LGR5: variants seen among roughly 807,000 people sequenced by gnomAD.
The protein encoded by LGR5 is leucine rich repeat containing G protein-coupled receptor 5.
In LGR5, 54 loss-of-function variants were observed where a neutral mutation model predicts 76.7. That is an observed-to-expected ratio of 0.70 (90% CI 0.57 to 0.88). LGR5 has a LOEUF of 0.88. Ranked by LOEUF, LGR5 falls within the 40% of genes least tolerant of loss-of-function variation. LGR5 has a pLI of 0.00. For missense variants in LGR5, 1,078 were observed against 1,073.3 expected (o/e 1.00, Z -0.06); for synonymous variants, 406 against 421.9 (o/e 0.96, Z 0.46).
At chr12:71,451,088 A>G (rs1472909054) in intron 1 of LGR5, among the ~76,000 whole-genome samples, 5 of 152,174 alleles carry the variant, frequency 3.3e-5, no homozygotes, top group Non-Finnish European at 7.3e-5. Context: ...CAGCCCCCAA[A>G]CCAGAATAGG....
intron 17 of LGR5, 93 bp downstream of exon 17, chr12:71,582,632 C>T (rs1879142692): frequency 3.2e-6 from 3 of 927,520 alleles, no homozygotes; most frequent in South Asian, 2.8e-5. Flanking sequence ...AAAGCCGAAT[C>T]TGTGCCAACT....
intron 1 of LGR5, among the ~76,000 whole-genome samples, chr12:71,442,117 A>G (rs865988248): frequency 5.3e-5 from 8 of 152,362 alleles, no homozygotes; most frequent in South Asian, 4.1e-4. Context: ...TACATTCATT[A>G]TAAAATATGT....
intron 4 of LGR5, among the ~76,000 whole-genome samples, chr12:71,545,778 A>G (rs1284733524): frequency 1.3e-5 from 2 of 152,200 alleles, no homozygotes; most frequent in Non-Finnish European, 2.9e-5. Flanking sequence ...GGTGTCATAT[A>G]TGAGATATGT....
At chr12:71,573,894 C>T (rs1452726540) in intron 13 of LGR5, among the ~76,000 whole-genome samples, 5 of 133,832 alleles carry the variant, frequency 3.7e-5, no homozygotes, top group Non-Finnish European at 7.9e-5. Context: ...TTGAAATCTA[C>T]TTGTGGAGTG....
chr12:71,439,600 G>A (rs1267456923), upstream of LGR5, among the ~76,000 whole-genome samples: 1 of 151,828 alleles, frequency 6.6e-6, no homozygotes, highest in East Asian at 2.0e-4. Flanking sequence ...CAGTGGGAGC[G>A]CCGAGAACTC....
intron 1 of LGR5, among the ~76,000 whole-genome samples, chr12:71,482,819 G>T (rs1873668157): frequency 2.6e-5 from 4 of 152,116 alleles, no homozygotes; most frequent in Admixed American, 2.6e-4. Context: ...TATTTTTTAT[G>T]CATAAAGAAG....
chr12:71,568,282 A>G (rs1631134), intron 11 of LGR5, among the ~76,000 whole-genome samples: 134,131 of 152,222 alleles, frequency 0.88, 61,082 homozygotes, highest in East Asian at 1. Context: ...TTCAAATCCA[A>G]GCTCTCTATA....
chr12:71,495,792 C>T (rs1178070068), intron 1 of LGR5, among the ~76,000 whole-genome samples: 2 of 150,816 alleles, frequency 1.3e-5, no homozygotes, highest in African/African-American at 5.0e-5. Flanking sequence ...CCTTTGAAAC[C>T]CCAGGAGAAG....
intron 2 of LGR5, among the ~76,000 whole-genome samples, chr12:71,522,108 A>AT (rs1875754605): frequency 6.6e-6 from 1 of 152,222 alleles, no homozygotes; most frequent in South Asian, 2.1e-4. Context: ...GTCTAAAAAA[A>AT]GCAAACCTCA....
At position 71,584,665 on chromosome 12, in the gene LGR5, G is replaced by T; in HGVS notation, c.2655G>T (p.Val885=). The T allele has an allele frequency of 6.2e-7, 1 of 1,614,120 alleles. No individual in the cohort carries two copies. The highest frequency in any genetic ancestry group is 8.5e-7 in the Non-Finnish European group (1 of 1,179,984). The stretch of plus-strand genomic sequence containing the variant: ...CTTATGACCTGCCTCCCAGTTCCGT[G>T]CCATCACCAGCTTATCCAGTGACTG... ...SITYDLPPSS[V]PSPAYPVTES... Residue 885 remains valine (V), a synonymous_variant, in exon 18 of 18, where the codon GTG becomes GTT. Transcript: ENST00000266674.
At position 71,576,740 on chromosome 12, in the gene LGR5, C is replaced by T. The variant is rs966167491; in HGVS notation, c.1209-1185C>T. ...AAGCACCATGGCAGGACTTGGCCTA[C>T]ATTCCAGATATTCTGCTCTGTGAAG... is the stretch of plus-strand genomic sequence containing the variant. On this transcript the variant is annotated intron_variant, in intron 13 of 17. Transcript: ENST00000266674. Among the ~76,000 whole-genome samples, 16 of 152,312 alleles carry T rather than the reference C, an allele frequency of 1.1e-4. No individual in the cohort carries two copies. In the East Asian group the frequency reaches 2.5e-3, roughly 24 times the overall value.
chr12:71,500,462 G>T (rs1202620031), intron 1 of LGR5, among the ~76,000 whole-genome samples: 1 of 151,984 alleles, frequency 6.6e-6, no homozygotes, highest in African/African-American at 2.4e-5. Flanking sequence ...TTTTAAGACA[G>T]AGGCTCACTC....
chr12:71,497,663 G>T (rs1190129862), intron 1 of LGR5, among the ~76,000 whole-genome samples: 2 of 152,126 alleles, frequency 1.3e-5, no homozygotes, highest in Non-Finnish European at 2.9e-5. Flanking sequence ...TGCTGGAATG[G>T]CTCCAGCCAA....
intron 1 of LGR5, among the ~76,000 whole-genome samples, chr12:71,476,396 G>GGTTC (rs1873337872): frequency 6.6e-6 from 1 of 152,124 alleles, no homozygotes; most frequent in South Asian, 2.1e-4. Context: ...TCTACTCTAG[G>GGTTC]GTTCAAGCCT....
intron 15 of LGR5, among the ~76,000 whole-genome samples, chr12:71,579,412 A>T (rs1010401517): frequency 1.3e-5 from 2 of 152,214 alleles, no homozygotes; most frequent in South Asian, 4.1e-4. Flanking sequence ...TAGTTTTTAC[A>T]TACTTTTAAA....
At chr12:71,559,897 A>G (rs1383124720) in intron 7 of LGR5, among the ~76,000 whole-genome samples, 1 of 152,126 alleles carries the variant, frequency 6.6e-6, no homozygotes, top group Non-Finnish European at 1.5e-5. Flanking sequence ...TCTGTAAGTC[A>G]TATTCTTTTC....
chr12:71,556,155 C>A (rs755985920), intron 5 of LGR5, among the ~76,000 whole-genome samples: 1 of 151,998 alleles, frequency 6.6e-6, no homozygotes, highest in African/African-American at 2.4e-5. Context: ...GAACAACACA[C>A]GCTGGGGCCT....
chr12:71,453,148 A>G (rs1163911235), intron 1 of LGR5, among the ~76,000 whole-genome samples: 2 of 152,260 alleles, frequency 1.3e-5, no homozygotes, highest in African/African-American at 4.8e-5. Flanking sequence ...GAACTAGAGG[A>G]GAAAGAAGGG....
chr12:71,484,494 C>A (rs1485066288), intron 1 of LGR5, among the ~76,000 whole-genome samples: 1 of 152,168 alleles, frequency 6.6e-6, no homozygotes, highest in Admixed American at 6.5e-5. Context: ...GGATTTAAAA[C>A]CGAAACAAAC....
Sources: gnomAD v4.1 joint callset for allele counts (sites outside exome capture counted in the v4.1 genomes callset) on GRCh38, gnomAD v4.1.1 for gene constraint, MANE v1.5 for transcripts, NCBI Gene and HGNC (gene_info 2026-07-23, HGNC 2026-07-21) for gene names.